LRBA: variants seen among roughly 807,000 people sequenced by gnomAD.
The protein encoded by LRBA is lipopolysaccharide-responsive and beige-like anchor protein.
LRBA carries 176 observed loss-of-function variants against 330.0 expected under a neutral mutation model. The ratio of observed to expected loss-of-function variants is 0.53; its 90% confidence interval spans 0.47 to 0.60. LRBA has a LOEUF of 0.60. Ranked by LOEUF, LRBA falls within the 20% of genes least tolerant of loss-of-function variation. The pLI, the probability that LRBA is intolerant of heterozygous loss-of-function variation, is 0.00. For synonymous variants in LRBA, 1,230 were observed against 1,193.0 expected (o/e 1.03, Z -0.64); for missense variants, 3,259 against 3,444.8 (o/e 0.95, Z 1.35).
chr4:150,583,164 G>A lies in LRBA; in HGVS notation c.6330+4884C>T. The A allele has an allele frequency of 6.2e-7, 1 of 1,614,230 alleles. No homozygotes were observed. The highest frequency in any genetic ancestry group is 1.1e-5 in the South Asian group (1 of 91,086). Reference sequence around the variant, plus strand: ...TGGTCTCGGACGTGCTCAAGGAAGTGGAGGTGCAGGAGCCTCGCTTCATCA... The same window carrying A: ...TGGTCTCGGACGTGCTCAAGGAAGTAGAGGTGCAGGAGCCTCGCTTCATCA... On this transcript the variant is annotated intron_variant, in intron 40 of 56. Coordinates refer to ENST00000651943, the MANE Select transcript of LRBA (RefSeq NM_001364905.1). This position sits in a 1 kb window ranked among gnomAD's most constrained non-coding sequence, Gnocchi z 9.8.
At chr4:150,533,848 T>C (rs956109855) in intron 40 of LRBA, among the ~76,000 whole-genome samples, 1 of 152,174 alleles carries the variant, frequency 6.6e-6, no homozygotes, top group Non-Finnish European at 1.5e-5. Context: ...CTAAGAGTCA[T>C]AGAGATCACA....
intron 37 of LRBA, among the ~76,000 whole-genome samples, chr4:150,669,419 A>C (rs1781849641): frequency 6.6e-6 from 1 of 152,174 alleles, no homozygotes; most frequent in Non-Finnish European, 1.5e-5. Context: ...CTAATACAGA[A>C]TCCCAAACTG....
intron 36 of LRBA, among the ~76,000 whole-genome samples, chr4:150,725,930 C>A (rs904827755): frequency 1.3e-5 from 2 of 152,102 alleles, no homozygotes; most frequent in East Asian, 3.9e-4. Context: ...ATTAGTTTTA[C>A]ATAACAGGTT....
chr4:150,443,792 C>T (rs1480149538), intron 44 of LRBA, among the ~76,000 whole-genome samples: 1 of 146,828 alleles, frequency 6.8e-6, no homozygotes, highest in African/African-American at 2.5e-5. Context: ...CACATGTATA[C>T]ATATGTAATA....
intron 2 of LRBA, among the ~76,000 whole-genome samples, chr4:150,979,716 T>A (rs1354833178): frequency 6.6e-6 from 1 of 152,196 alleles, no homozygotes; most frequent in Non-Finnish European, 1.5e-5. Flanking sequence ...AAGATAGTAT[T>A]TGCAAGCTTC....
At chr4:150,662,450 G>C (rs1781204498) in intron 37 of LRBA, among the ~76,000 whole-genome samples, 1 of 152,128 alleles carries the variant, frequency 6.6e-6, no homozygotes. Context: ...CAGATAAATA[G>C]GCTGTGCCTC....
intron 37 of LRBA, among the ~76,000 whole-genome samples, chr4:150,622,784 G>A (rs961741165): frequency 1.4e-5 from 2 of 144,448 alleles, no homozygotes; most frequent in African/African-American, 5.3e-5. Context: ...TGCAAGCTCC[G>A]CCTCCTGGGT....
intron 34 of LRBA, among the ~76,000 whole-genome samples, chr4:150,786,989 T>C (rs1739162453): frequency 6.6e-6 from 1 of 152,158 alleles, no homozygotes; most frequent in African/African-American, 2.4e-5. Context: ...CCCAGCACTT[T>C]GGGAGGCAAA....
intron 37 of LRBA, among the ~76,000 whole-genome samples, chr4:150,667,748 A>G (rs112162861): frequency 1.3e-5 from 2 of 152,316 alleles, no homozygotes; most frequent in African/African-American, 2.4e-5. Context: ...GTAGTCTTCA[A>G]CCTGGGAGAG....
intron 48 of LRBA, among the ~76,000 whole-genome samples, chr4:150,340,620 C>T (rs544535233): frequency 1.3e-5 from 2 of 152,152 alleles, no homozygotes; most frequent in African/African-American, 4.8e-5. Context: ...CAGGTGTGAA[C>T]CACTGTGCCC....
intron 40 of LRBA, among the ~76,000 whole-genome samples, chr4:150,518,778 G>GA (rs1352369263): frequency 2.0e-5 from 3 of 152,078 alleles, no homozygotes; most frequent in Non-Finnish European, 4.4e-5. Flanking sequence ...GTAGCAACTG[G>GA]AAACAAACAC....
At chr4:150,854,643 T>C (rs572357518) in intron 22 of LRBA, among the ~76,000 whole-genome samples, 1 of 152,290 alleles carries the variant, frequency 6.6e-6, no homozygotes, top group Middle Eastern at 3.4e-3. Flanking sequence ...AGAAGGTGTA[T>C]TTACTAGTGT....
At chr4:150,834,952 T>G (rs1747794332) in intron 28 of LRBA, among the ~76,000 whole-genome samples, 1 of 152,212 alleles carries the variant, frequency 6.6e-6, no homozygotes, top group Non-Finnish European at 1.5e-5. Context: ...TACATTTAAG[T>G]CTTTGATCCA....
At chr4:150,550,225 T>C (rs1766409209) in intron 40 of LRBA, among the ~76,000 whole-genome samples, 1 of 152,128 alleles carries the variant, frequency 6.6e-6, no homozygotes, top group Non-Finnish European at 1.5e-5. Context: ...CTTTAATTGG[T>C]CAGTTAAAGT....
chr4:150,637,461 G>C (rs1192409729), intron 37 of LRBA, among the ~76,000 whole-genome samples: 2 of 152,156 alleles, frequency 1.3e-5, no homozygotes, highest in African/African-American at 4.8e-5. Context: ...TAGTGTTCAT[G>C]GTCTTGACAA....
chr4:150,598,571 T>C lies in LRBA; in HGVS notation c.6046+436A>G, dbSNP rs192576295. Reference sequence around the variant, plus strand: ...GGCAATTGGACATTTATTATTATCTTTCCCAGTTCATGATCTCATGCTAAA... The same window carrying C: ...GGCAATTGGACATTTATTATTATCTCTCCCAGTTCATGATCTCATGCTAAA... On this transcript the variant is annotated intron_variant, in intron 38 of 56. Coordinates refer to ENST00000651943, the MANE Select transcript of LRBA (RefSeq NM_001364905.1). Among the ~76,000 whole-genome samples, 62 of 152,274 alleles carry C rather than the reference T, an allele frequency of 4.1e-4. 1 individual carries two copies. The East Asian group carries it at 0.01, about 26-fold the overall frequency.
At chr4:150,340,902 A>G (rs1327018838) in intron 48 of LRBA, among the ~76,000 whole-genome samples, 3 of 152,176 alleles carry the variant, frequency 2.0e-5, no homozygotes, top group Non-Finnish European at 4.4e-5. Flanking sequence ...GGAGGTATGC[A>G]GGGCCAGATC....
At position 150,707,801 on chromosome 4, in the gene LRBA, T is replaced by A. The variant is rs150408925; in HGVS notation, c.5755-24084A>T. Among the ~76,000 whole-genome samples, 4 of 151,820 alleles carry A rather than the reference T, an allele frequency of 2.6e-5. No individual in the cohort carries two copies. The East Asian group carries it at 7.7e-4, about 29-fold the overall frequency. ...AACAAGGTTATCAAGCTCTAGCATA[T>A]GATAATTAGACAGAGGCATGAATAT... is the stretch of plus-strand genomic sequence containing the variant. On this transcript the variant is annotated intron_variant, in intron 36 of 56. Coordinates refer to ENST00000651943, the MANE Select transcript of LRBA (RefSeq NM_001364905.1).
intron 37 of LRBA, among the ~76,000 whole-genome samples, chr4:150,645,215 T>C (rs528376076): frequency 2.0e-5 from 3 of 151,198 alleles, no homozygotes; most frequent in Admixed American, 6.6e-5. Context: ...TTTTTTTTTT[T>C]CTGAGAAAAA....
Sources: gnomAD v4.1 joint callset for allele counts (sites outside exome capture counted in the v4.1 genomes callset) on GRCh38, gnomAD v4.1.1 for gene constraint, Gnocchi (gnomAD v3.1) non-coding constraint, MANE v1.5 for transcripts, NCBI Gene and HGNC (gene_info 2026-07-23, HGNC 2026-07-21) for gene names.